The following ADORA2B variants were observed in gnomAD, a reference collection of about 807,000 sequenced individuals.
ADORA2B encodes adenosine receptor A2b.
ADORA2B carries 18 observed loss-of-function variants against 20.8 expected under a neutral mutation model. The ratio of observed to expected loss-of-function variants is 0.87; its 90% CI spans 0.60 to 1.29. ADORA2B has a LOEUF of 1.29. Ranked by LOEUF, ADORA2B falls within the 50% of genes most tolerant of loss-of-function variation. ADORA2B has a pLI of 0.00. For synonymous variants in ADORA2B, 179 were observed against 178.3 expected (o/e 1.00, Z -0.03); for missense variants, 441 against 422.7 (o/e 1.04, Z -0.38).
the ADORA2B span, among the ~76,000 whole-genome samples, chr17:15,888,633 G>T: frequency 1.6e-5 from 2 of 123,184 alleles, 1 homozygote; most frequent in African/African-American, 7.1e-5. Context: ...TGCCTTTCTA[G>T]CAAGGATTTA....
At chr17:15,922,504 G>T in the ADORA2B span, among the ~76,000 whole-genome samples, 1 of 152,146 alleles carries the variant, frequency 6.6e-6, no homozygotes, top group Non-Finnish European at 1.5e-5. Context: ...CAACCATCCA[G>T]ATTGGGACAT....
the ADORA2B span, chr17:15,860,945 C>T: frequency 6.5e-6 from 1 of 153,812 alleles, no homozygotes; most frequent in Non-Finnish European, 1.5e-5. Context: ...CTGCTGAGCA[C>T]CTCCACCAGA....
chr17:15,882,691 A>G, the ADORA2B span, among the ~76,000 whole-genome samples: 1 of 152,200 alleles, frequency 6.6e-6, no homozygotes, highest in Non-Finnish European at 1.5e-5. Context: ...TTCCATATAA[A>G]TAGAAATACT....
chr17:15,919,851 T>A, the ADORA2B span, among the ~76,000 whole-genome samples: 4 of 152,152 alleles, frequency 2.6e-5, no homozygotes, highest in Admixed American at 6.5e-5. Context: ...TTATAAAAAA[T>A]AAAAATAATT....
At chr17:15,870,084 C>G in the ADORA2B span, among the ~76,000 whole-genome samples, 1 of 148,692 alleles carries the variant, frequency 6.7e-6, no homozygotes. Flanking sequence ...TCCACACATT[C>G]ATTTACATAT....
chr17:15,919,479 C>A, the ADORA2B span, among the ~76,000 whole-genome samples: 1 of 152,204 alleles, frequency 6.6e-6, no homozygotes, highest in Admixed American at 6.5e-5. Context: ...TCCTTCAGGG[C>A]CATCATCAGA....
chr17:15,857,633 C>T, the ADORA2B span, among the ~76,000 whole-genome samples: 3 of 152,070 alleles, frequency 2.0e-5, no homozygotes, highest in Admixed American at 6.5e-5. Flanking sequence ...TCAAGGAGAT[C>T]GTTTCAGAGC....
chr17:15,902,354 C>A, the ADORA2B span, among the ~76,000 whole-genome samples: 1 of 152,120 alleles, frequency 6.6e-6, no homozygotes, highest in Non-Finnish European at 1.5e-5. Context: ...CAGGCCTGCG[C>A]CATCATGCCT....
rs778984983 is a variant in ADORA2B at position 15,975,257 on chromosome 17, T to A, written c.914T>A (p.Ile305Asn). The A allele has an allele frequency of 6.2e-7, 1 of 1,613,770 alleles. No individual in the cohort carries two copies. The highest frequency in any genetic ancestry group is 8.5e-7 in the Non-Finnish European group (1 of 1,180,036). The change falls in exon 2 of 2, where the codon ATC becomes AAC. Residue 305 changes from isoleucine to asparagine, a missense_variant. Ile to Asn is a moderately radical substitution (Grantham distance 149, BLOSUM62 -3). Coordinates refer to ENST00000304222, the MANE Select transcript of ADORA2B (RefSeq NM_000676.4). ...RDFRYTFHKIISRYLLCQADV... is the reference protein window; with the variant it reads ...RDFRYTFHKINSRYLLCQADV... The stretch of plus-strand genomic sequence containing the variant: ...TTCCGCTACACTTTTCACAAAATTA[T>A]CTCCAGGTATCTTCTCTGCCAAGCA...
chr17:15,969,748 T>G (rs779789098), intron 1 of ADORA2B, among the ~76,000 whole-genome samples: 1 of 152,202 alleles, frequency 6.6e-6, no homozygotes, highest in Non-Finnish European at 1.5e-5. Flanking sequence ...TTGTCTCGAG[T>G]CAACTACCGA....
chr17:15,931,445 C>T, the ADORA2B span, among the ~76,000 whole-genome samples: 1 of 152,180 alleles, frequency 6.6e-6, no homozygotes, highest in Non-Finnish European at 1.5e-5. Context: ...CTTCCATGTC[C>T]TTTTCCTTAG....
At chr17:15,908,134 C>A in the ADORA2B span, among the ~76,000 whole-genome samples, 3 of 152,092 alleles carry the variant, frequency 2.0e-5, no homozygotes, top group South Asian at 2.1e-4. Context: ...AGCACCCAGG[C>A]TAGTGTGCAG....
chr17:15,867,575 G>A, the ADORA2B span, among the ~76,000 whole-genome samples: 1 of 150,026 alleles, frequency 6.7e-6, no homozygotes, highest in Admixed American at 6.6e-5. Flanking sequence ...GAGGGAGGCG[G>A]GGGTCAGCCC....
chr17:15,903,977 C>T, the ADORA2B span, among the ~76,000 whole-genome samples: 1 of 152,084 alleles, frequency 6.6e-6, no homozygotes, highest in South Asian at 2.1e-4. Flanking sequence ...ATTTTTTGAT[C>T]TGATTATTTT....
chr17:15,862,989 T>C, the ADORA2B span, among the ~76,000 whole-genome samples: 3 of 152,212 alleles, frequency 2.0e-5, no homozygotes, highest in South Asian at 2.1e-4. Context: ...CTTATTGTTA[T>C]ACCTTTGGAT....
At chr17:15,865,706 G>A in the ADORA2B span, among the ~76,000 whole-genome samples, 1 of 150,340 alleles carries the variant, frequency 6.7e-6, no homozygotes, top group Admixed American at 6.6e-5. Flanking sequence ...GATAACCATT[G>A]TCCTCAATTA....
intron 1 of ADORA2B, among the ~76,000 whole-genome samples, chr17:15,953,473 C>G (rs1277788326): frequency 1.3e-5 from 2 of 152,220 alleles, no homozygotes; most frequent in Non-Finnish European, 2.9e-5. Flanking sequence ...CCGAGGGGCG[C>G]TCTGGGCTGA....
the ADORA2B span, among the ~76,000 whole-genome samples, chr17:15,888,850 ATTTTTTTTTTTTTTT>A: frequency 3.0e-4 from 2 of 6,730 alleles, no homozygotes; most frequent in Admixed American, 2.9e-3. Context: ...ATATATATAT[ATTTTTTTTTTTTTTT>A]TTTTTTTTTT....
At chr17:15,891,359 G>A in the ADORA2B span, among the ~76,000 whole-genome samples, 7 of 152,258 alleles carry the variant, frequency 4.6e-5, no homozygotes, top group African/African-American at 1.7e-4. Context: ...CAGCAGGGAA[G>A]GAGCACAGGC....
Sources: gnomAD v4.1 joint callset for allele counts (sites outside exome capture counted in the v4.1 genomes callset) on GRCh38, gnomAD v4.1.1 for gene constraint, MANE v1.5 for transcripts, NCBI Gene and HGNC (gene_info 2026-07-23, HGNC 2026-07-21) for gene names.